The following DCDC1 variants were observed in gnomAD, a reference collection of about 807,000 sequenced individuals.
DCDC1 encodes doublecortin domain-containing protein 1.
A neutral mutation model predicts 178.3 loss-of-function variants in DCDC1; 200 were observed. That is an observed-to-expected ratio of 1.12 (90% CI 1.00 to 1.26). The LOEUF (loss-of-function observed/expected upper bound fraction) is 1.26. Among genes scored for constraint, DCDC1 ranks in the 50% most tolerant of loss-of-function variants. The probability of loss-of-function intolerance (pLI) is 0.00; values close to 1 mark genes in which losing one functional copy is unlikely to be tolerated. For missense variants in DCDC1, 1,983 were observed against 1,749.2 expected, an observed-to-expected ratio of 1.13 and a Z score of -2.38; for synonymous variants, 690 against 604.8, an observed-to-expected ratio of 1.14 and a Z score of -2.07.
intron 11 of DCDC1, among the ~76,000 whole-genome samples, chr11:31,113,085 C>G (rs1273803179): frequency 1.3e-5 from 2 of 152,000 alleles, no homozygotes; most frequent in Non-Finnish European, 2.9e-5. Context: ...TTAACAAAAA[C>G]AATGCAAAAC....
At chr11:30,930,924 T>C (rs163878) in intron 22 of DCDC1, among the ~76,000 whole-genome samples, 3,310 of 152,240 alleles carry the variant, frequency 0.022, 127 homozygotes, top group African/African-American at 0.076. Context: ...CTTTATCATC[T>C]TTACAGGCAG....
intron 13 of DCDC1, among the ~76,000 whole-genome samples, chr11:31,106,429 A>C (rs1958849500): frequency 6.6e-6 from 1 of 152,146 alleles, no homozygotes; most frequent in Non-Finnish European, 1.5e-5. Flanking sequence ...AAAATAGAGG[A>C]GTGGAAGCAG....
intron 8 of DCDC1, among the ~76,000 whole-genome samples, chr11:31,251,596 TAA>T: frequency 6.6e-6 from 1 of 150,968 alleles, no homozygotes; most frequent in South Asian, 2.1e-4. Flanking sequence ...TAAAACAAAT[TAA>T]GAGAGAGACA....
intron 11 of DCDC1, among the ~76,000 whole-genome samples, chr11:31,118,087 A>T (rs1162829662): frequency 6.6e-6 from 1 of 152,124 alleles, no homozygotes; most frequent in Non-Finnish European, 1.5e-5. Context: ...AAACATAGTC[A>T]TGTGCCCCTC....
intron 3 of DCDC1, among the ~76,000 whole-genome samples, chr11:31,308,409 T>G (rs572330455): frequency 6.6e-6 from 1 of 152,334 alleles, no homozygotes; most frequent in African/African-American, 2.4e-5. Flanking sequence ...TTAAATAAAC[T>G]GAAACTGAGT....
intron 11 of DCDC1, among the ~76,000 whole-genome samples, chr11:31,116,291 AT>A: frequency 6.6e-6 from 1 of 152,242 alleles, no homozygotes; most frequent in East Asian, 1.9e-4. Flanking sequence ...GAAATGAAAA[AT>A]TTTAAAGGCA....
intron 20 of DCDC1, among the ~76,000 whole-genome samples, chr11:31,029,250 C>T (rs1953459174): frequency 6.6e-6 from 1 of 151,904 alleles, no homozygotes; most frequent in Admixed American, 6.6e-5. Flanking sequence ...TTTTATAATT[C>T]CTGAAATAAA....
intron 22 of DCDC1, among the ~76,000 whole-genome samples, chr11:30,926,003 G>A (rs1477300182): frequency 1.3e-5 from 2 of 152,062 alleles, no homozygotes; most frequent in South Asian, 2.1e-4. Context: ...AACAAGCACC[G>A]GACAAGCCCT....
At chr11:31,223,597 C>T (rs1029485157) in intron 9 of DCDC1, among the ~76,000 whole-genome samples, 17 of 152,050 alleles carry the variant, frequency 1.1e-4, no homozygotes, top group African/African-American at 3.9e-4. Flanking sequence ...TGGAAAGACA[C>T]TAAATGTCTG....
chr11:31,093,908 C>T, intron 16 of DCDC1, 142 bp downstream of exon 16: 1 of 650,352 alleles, frequency 1.5e-6, no homozygotes, highest in East Asian at 2.5e-5. Context: ...ATACCAACGG[C>T]AGAGATGGCA....
intron 9 of DCDC1, among the ~76,000 whole-genome samples, chr11:31,213,490 G>A (rs574848340): frequency 6.6e-6 from 1 of 152,004 alleles, no homozygotes; most frequent in African/African-American, 2.4e-5. Context: ...GGGAGGCCGA[G>A]ATGGGCGAAT....
At chr11:31,113,680 A>G (rs1233118935) in intron 11 of DCDC1, among the ~76,000 whole-genome samples, 2 of 152,060 alleles carry the variant, frequency 1.3e-5, no homozygotes, top group South Asian at 2.1e-4. Flanking sequence ...TTCTTAATCC[A>G]GTCTATCATT....
chr11:30,931,020 C>T (rs1459939199), intron 22 of DCDC1, among the ~76,000 whole-genome samples: 1 of 152,088 alleles, frequency 6.6e-6, no homozygotes, highest in Non-Finnish European at 1.5e-5. Context: ...TAGTATTAAA[C>T]TATTATAGCA....
At chr11:31,162,640 G>A (rs1299442273) in intron 9 of DCDC1, among the ~76,000 whole-genome samples, 1 of 151,912 alleles carries the variant, frequency 6.6e-6, no homozygotes, top group African/African-American at 2.4e-5. Context: ...TAACACAGAC[G>A]ATGGTGTGTG....
chr11:31,274,396 G>T (rs890147817), intron 7 of DCDC1, among the ~76,000 whole-genome samples: 4 of 152,136 alleles, frequency 2.6e-5, no homozygotes, highest in African/African-American at 9.7e-5. Flanking sequence ...TTTTAGTCTA[G>T]TGCTGGATAA....
chr11:30,899,920 G>A (rs1218087018), intron 33 of DCDC1, among the ~76,000 whole-genome samples: 2 of 152,084 alleles, frequency 1.3e-5, no homozygotes, highest in Non-Finnish European at 2.9e-5. Flanking sequence ...AAACTATTTG[G>A]AGGTGATGAA....
intron 20 of DCDC1, among the ~76,000 whole-genome samples, chr11:30,967,386 A>G (rs545532468): frequency 6.6e-6 from 1 of 152,154 alleles, no homozygotes. Flanking sequence ...GAGTTCACTC[A>G]TGATTGTTTA....
chr11:31,184,329 A>T (rs1969209648), intron 9 of DCDC1, among the ~76,000 whole-genome samples: 1 of 152,256 alleles, frequency 6.6e-6, no homozygotes, highest in South Asian at 2.1e-4. Flanking sequence ...TAACACCATG[A>T]AAACCCTAGA....
intron 9 of DCDC1, among the ~76,000 whole-genome samples, chr11:31,218,869 T>C (rs1229300805): frequency 6.6e-6 from 1 of 152,196 alleles, no homozygotes; most frequent in Non-Finnish European, 1.5e-5. Context: ...TCCTAATTTT[T>C]AGTAAAATTT....
Sources: allele counts gnomAD v4.1 joint callset (sites outside exome capture counted in the v4.1 genomes callset), GRCh38; gene constraint gnomAD v4.1.1; transcripts MANE v1.5; gene names NCBI Gene and HGNC (gene_info 2026-07-23, HGNC 2026-07-21).